Variants in MAP4K3 observed in about 807,000 individuals in gnomAD.
MAP4K3 encodes the protein MAPK/ERK kinase kinase kinase 3.
In MAP4K3, 94 loss-of-function variants were observed where a neutral mutation model predicts 143.5. That is an observed-to-expected ratio of 0.65 (90% confidence interval 0.55 to 0.78). The LOEUF is 0.78. Ranked by LOEUF, MAP4K3 falls within the 30% of genes least tolerant of loss-of-function variation. MAP4K3 has a pLI of 0.00. For missense variants in MAP4K3, 1,077 were observed against 1,068.1 expected (o/e 1.01, Z -0.12); for synonymous variants, 416 against 347.2 (o/e 1.20, Z -2.20).
At chr2:39,281,183 C>G (rs112612941) in intron 22 of MAP4K3, among the ~76,000 whole-genome samples, 1 of 152,020 alleles carries the variant, frequency 6.6e-6, no homozygotes, top group Non-Finnish European at 1.5e-5. Flanking sequence ...GCCATGTTGG[C>G]CTAAATTAAA....
intron 23 of MAP4K3, among the ~76,000 whole-genome samples, chr2:39,279,613 C>A (rs1411394077): frequency 6.6e-6 from 1 of 151,980 alleles, no homozygotes; most frequent in Admixed American, 6.6e-5. Context: ...GTCACTAAAC[C>A]CCGGATCCTT....
At chr2:39,306,719 T>C (rs1422898960) in intron 15 of MAP4K3, among the ~76,000 whole-genome samples, 1 of 152,252 alleles carries the variant, frequency 6.6e-6, no homozygotes, top group African/African-American at 2.4e-5. Context: ...TGCTGGCAAC[T>C]GTTTCCAATT....
chr2:39,302,077 G>A (rs1682536519), intron 15 of MAP4K3, among the ~76,000 whole-genome samples: 1 of 151,606 alleles, frequency 6.6e-6, no homozygotes, highest in Non-Finnish European at 1.5e-5. Flanking sequence ...ACTGAGTTCA[G>A]CAGTATATTT....
chr2:39,379,532 A>G (rs577079133), intron 1 of MAP4K3, among the ~76,000 whole-genome samples: 99 of 152,264 alleles, frequency 6.5e-4, no homozygotes, highest in African/African-American at 2.3e-3. Flanking sequence ...TGAAATAGAA[A>G]TAAAACCAGA....
At chr2:39,367,240 ACTAT>A (rs1428388799) in intron 2 of MAP4K3, among the ~76,000 whole-genome samples, 6 of 152,206 alleles carry the variant, frequency 3.9e-5, no homozygotes, top group Admixed American at 2.6e-4. Flanking sequence ...CCTTGCTCAA[ACTAT>A]CTAAACAAAA....
intron 2 of MAP4K3, among the ~76,000 whole-genome samples, chr2:39,377,686 G>A (rs922685575): frequency 1.4e-4 from 21 of 152,090 alleles, no homozygotes; most frequent in African/African-American, 4.3e-4. Context: ...GCAAGGGAGT[G>A]GGAGACAAAC....
chr2:39,360,844 T>C (rs1665749738), intron 2 of MAP4K3, among the ~76,000 whole-genome samples: 1 of 152,110 alleles, frequency 6.6e-6, no homozygotes, highest in South Asian at 2.1e-4. Flanking sequence ...CATGATGCAA[T>C]TACCTCCCAC....
chr2:39,348,331 G>A (rs1665354841), intron 3 of MAP4K3, among the ~76,000 whole-genome samples: 1 of 151,572 alleles, frequency 6.6e-6, no homozygotes, highest in South Asian at 2.1e-4. Context: ...TGACTTTCCA[G>A]CTTATAGGCA....
chr2:39,373,699 A>G (rs1666141855), intron 2 of MAP4K3, among the ~76,000 whole-genome samples: 1 of 152,230 alleles, frequency 6.6e-6, no homozygotes, highest in Non-Finnish European at 1.5e-5. Flanking sequence ...AAAGACAAAC[A>G]TCACATGTTC....
At chr2:39,268,156 G>A (rs543820047) in intron 26 of MAP4K3, among the ~76,000 whole-genome samples, 4 of 152,034 alleles carry the variant, frequency 2.6e-5, no homozygotes, top group Non-Finnish European at 5.9e-5. Context: ...CATCTGACTC[G>A]AATTTAATAG....
intron 2 of MAP4K3, among the ~76,000 whole-genome samples, chr2:39,361,938 T>C (rs1483135416): frequency 6.6e-6 from 1 of 151,960 alleles, no homozygotes; most frequent in Admixed American, 6.6e-5. Flanking sequence ...GAAAACAAAG[T>C]ATTCTGTGAG....
intron 15 of MAP4K3, among the ~76,000 whole-genome samples, chr2:39,302,887 A>G (rs1292815597): frequency 1.3e-5 from 2 of 152,238 alleles, no homozygotes; most frequent in Non-Finnish European, 2.9e-5. Flanking sequence ...TAATTTCAGC[A>G]GTTCATTTTA....
chr2:39,361,583 A>G (rs1200271585), intron 2 of MAP4K3, among the ~76,000 whole-genome samples: 1 of 151,988 alleles, frequency 6.6e-6, no homozygotes, highest in Non-Finnish European at 1.5e-5. Flanking sequence ...ACATATTAGA[A>G]TATGTCAAAT....
At chr2:39,287,161 C>A (rs1379967284) in intron 20 of MAP4K3, among the ~76,000 whole-genome samples, 197 bp from the exon 21 acceptor site, 3 of 152,116 alleles carry the variant, frequency 2.0e-5, no homozygotes, top group Admixed American at 2.0e-4. Flanking sequence ...CTATTTCTGG[C>A]ATATTAGGCA....
At chr2:39,327,520 T>C (rs1365487495) in intron 8 of MAP4K3, among the ~76,000 whole-genome samples, 3 of 152,150 alleles carry the variant, frequency 2.0e-5, no homozygotes, top group African/African-American at 7.2e-5. Flanking sequence ...AAGCAACTAA[T>C]TGAAATAAAC....
At chr2:39,286,713 ATAAT>A (rs1244951691) in intron 21 of MAP4K3, 135 bp downstream of exon 21, 3 of 415,938 alleles carry the variant, frequency 7.2e-6, no homozygotes, top group Non-Finnish European at 1.2e-5. Flanking sequence ...ATTCACCATT[ATAAT>A]TAATATACTA....
At chr2:39,363,300 A>G (rs534323031) in intron 2 of MAP4K3, among the ~76,000 whole-genome samples, 16 of 152,312 alleles carry the variant, frequency 1.1e-4, no homozygotes, top group Middle Eastern at 3.4e-3. Context: ...TGCAAACCAT[A>G]TATCTGATGA....
intron 2 of MAP4K3, among the ~76,000 whole-genome samples, chr2:39,376,393 T>C (rs1010199966): frequency 6.6e-6 from 1 of 152,232 alleles, no homozygotes; most frequent in Non-Finnish European, 1.5e-5. Flanking sequence ...TCCTTTTGTA[T>C]AGTTGTATAT....
At chr2:39,406,806 C>T (rs1667104323) in intron 1 of MAP4K3, among the ~76,000 whole-genome samples, 1 of 152,030 alleles carries the variant, frequency 6.6e-6, no homozygotes, top group Non-Finnish European at 1.5e-5. Context: ...TCACTGGTAA[C>T]AGTACACAGA....
Sources: gnomAD v4.1 joint callset for allele counts (sites outside exome capture counted in the v4.1 genomes callset) on GRCh38, gnomAD v4.1.1 for gene constraint, MANE v1.5 for transcripts, NCBI Gene and HGNC (gene_info 2026-07-23, HGNC 2026-07-21) for gene names.